The following PTPN21 variants were observed in gnomAD, a reference collection of about 807,000 sequenced individuals.
PTPN21 encodes the protein tyrosine-protein phosphatase non-receptor type 21.
Under a neutral mutation model 131.8 loss-of-function variants are expected in PTPN21, and 77 were observed. The observed-to-expected ratio is 0.58, with a 90% CI of 0.49 to 0.71. The LOEUF (loss-of-function observed/expected upper bound fraction) is 0.71. Among genes scored for constraint, PTPN21 ranks in the 30% least tolerant of loss-of-function variants. The probability of loss-of-function intolerance (pLI) is 0.00; values close to 1 mark genes in which losing one functional copy is unlikely to be tolerated. For missense variants in PTPN21, 1,552 were observed against 1,527.1 expected, an observed-to-expected ratio of 1.02 and a Z score of -0.27; for synonymous variants, 715 against 621.3, an observed-to-expected ratio of 1.15 and a Z score of -2.24.
intron 2 of PTPN21, among the ~76,000 whole-genome samples, chr14:88,532,418 A>G (rs562153544): frequency 6.6e-6 from 1 of 152,312 alleles, no homozygotes; most frequent in African/African-American, 2.4e-5. Context: ...GTTCATTACA[A>G]TTTCTATTTT....
In PTPN21 at chr14:88,469,894, A is replaced by C. The variant is rs748314129; in HGVS notation, c.3000+28T>G. 192 of 1,613,322 alleles carry C rather than the reference A, an allele frequency of 1.2e-4. No homozygotes were observed. The highest frequency in any genetic ancestry group is 1.6e-4 in the Non-Finnish European group (191 of 1,179,586). ...ATTAACTGTTCTTCAGAGGCTGAGA[A>C]AATCACTTAAGAGAAATAAGTACCT... On this transcript the variant is annotated intron_variant, in intron 16 of 18. Coordinates refer to ENST00000556564, the MANE Select transcript of PTPN21 (RefSeq NM_007039.4). This position sits in a 1 kb window ranked among gnomAD's most constrained non-coding sequence, Gnocchi z 4.3.
chr14:88,504,356 A>C (rs2078056792), intron 6 of PTPN21, 69 bp downstream of exon 6: 1 of 1,189,640 alleles, frequency 8.4e-7, no homozygotes. Context: ...TTAAATATTT[A>C]ATTGAATATT....
chr14:88,524,966 G>C (rs2078452815), intron 2 of PTPN21, among the ~76,000 whole-genome samples: 1 of 152,078 alleles, frequency 6.6e-6, no homozygotes, highest in South Asian at 2.1e-4. Context: ...TATCAGGCTA[G>C]GCATGGTCAC....
At position 88,538,572 on chromosome 14, in the gene PTPN21, T is replaced by C. The variant is rs193287100; in HGVS notation, c.180+11666A>G. 1.2e-3 allele frequency among the ~76,000 whole-genome samples: 187 copies of C among 152,324 alleles called. 4 individuals carry two copies. The highest frequency in any genetic ancestry group is 4.3e-3 in the African/African-American group (177 of 41,558). ...CAAAAACCTATCTTAAGCAAGATAA[T>C]TGTAAAAATACAAAAATTAAATGAT... On this transcript the variant is annotated intron_variant, in intron 2 of 18. Transcript: ENST00000556564.
intron 3 of PTPN21, among the ~76,000 whole-genome samples, chr14:88,516,776 T>C (rs1251671396): frequency 6.6e-6 from 1 of 152,208 alleles, no homozygotes; most frequent in Non-Finnish European, 1.5e-5. Context: ...CTTCTCTCCT[T>C]TCCTTGTTAC....
At chr14:88,526,306 T>C (rs1318952291) in intron 2 of PTPN21, among the ~76,000 whole-genome samples, 2 of 152,008 alleles carry the variant, frequency 1.3e-5, no homozygotes, top group African/African-American at 4.8e-5. Context: ...TCCCAGCACT[T>C]TGGGAGGCTG....
In PTPN21 at chr14:88,473,768, A is replaced by G. The variant is rs754451853; in HGVS notation, c.2546T>C (p.Ile849Thr). The change falls in exon 14 of 19, where the codon ATT (isoleucine) becomes ACT (threonine). Residue 849 changes from isoleucine (I) to threonine (T), a missense_variant. This residue lies in a region of PTPN21 where 1,016 missense variants were observed against 883.5 expected (regional missense o/e 1.15). Coordinates refer to ENST00000556564, the MANE Select transcript of PTPN21 (RefSeq NM_007039.4). The part of the protein sequence containing the change: ...MKKTRVDAKK[I>T]GPLKLAALNG... The stretch of plus-strand genomic sequence containing the variant: ...TAGGGCAGCCAGTTTAAGAGGACCA[A>G]TTTTTTTTGCATCTACTCGAGTCTT... 4 of 1,607,164 alleles carry G rather than the reference A, an allele frequency of 2.5e-6. No individual in the cohort carries two copies. Among genetic ancestry groups the G allele is most frequent in the East Asian group, 2.2e-5 (1 of 44,678 alleles).
chr14:88,532,742 G>C (rs2078571946), intron 2 of PTPN21, among the ~76,000 whole-genome samples: 1 of 152,100 alleles, frequency 6.6e-6, no homozygotes, highest in Admixed American at 6.5e-5. Flanking sequence ...GCAGTAGAGG[G>C]AAGTGATGGG....
Position 88,485,762 on chromosome 14 carries a change from A to T in PTPN21, c.993+20T>A. 1 of 1,552,430 alleles carries T rather than the reference A, an allele frequency of 6.4e-7. No homozygotes were observed. The highest frequency in any genetic ancestry group is 8.9e-7 in the Non-Finnish European group (1 of 1,125,738). ...ACATCACTAAAATAAAAAAGCAATC[A>T]TATTTTCCTTGTTTCTTACCAGAGA... On this transcript the variant is annotated intron_variant, in intron 11 of 18. Coordinates refer to ENST00000556564, the MANE Select transcript of PTPN21 (RefSeq NM_007039.4).
intron 3 of PTPN21, among the ~76,000 whole-genome samples, chr14:88,510,194 A>G (rs559681388): frequency 6.6e-6 from 1 of 152,360 alleles, no homozygotes; most frequent in South Asian, 2.1e-4. Context: ...TTATATAAAA[A>G]ATCACACCTC....
chr14:88,508,116 T>C (rs1418154828), intron 3 of PTPN21, 96 bp from the exon 4 acceptor site: 2 of 618,146 alleles, frequency 3.2e-6, no homozygotes, highest in Non-Finnish European at 5.3e-6. Context: ...CATAAACCAG[T>C]GAAATAAAAC....
chr14:88,553,300 T>C (rs1188374364), intron 1 of PTPN21, among the ~76,000 whole-genome samples: 1 of 152,194 alleles, frequency 6.6e-6, no homozygotes, highest in African/African-American at 2.4e-5. Flanking sequence ...TCCATAAGAA[T>C]GGCTTGCTTT....
chr14:88,499,647 A>C (rs1257479052), intron 8 of PTPN21, among the ~76,000 whole-genome samples: 2 of 152,194 alleles, frequency 1.3e-5, no homozygotes, highest in Non-Finnish European at 2.9e-5. Context: ...ATTACACTAA[A>C]AAAAATTCAC....
chr14:88,518,989 A>T (rs112301817), intron 2 of PTPN21, among the ~76,000 whole-genome samples: 1 of 20,526 alleles, frequency 4.9e-5, no homozygotes, highest in Non-Finnish European at 2.3e-4. Context: ...ACACACACAC[A>T]TACACACACA....
chr14:88,492,524 T>G (rs1042151278), intron 10 of PTPN21, among the ~76,000 whole-genome samples: 4 of 152,086 alleles, frequency 2.6e-5, no homozygotes, highest in African/African-American at 9.7e-5. Flanking sequence ...GATGCAAACA[T>G]GGTGCAGGGG....
chr14:88,479,914 G>C lies in PTPN21; in HGVS notation c.1517C>G (p.Ala506Gly), dbSNP rs995854096. 6.2e-7 allele frequency: 1 copy of C among 1,601,004 alleles called. No homozygotes were observed. Among genetic ancestry groups the C allele is most frequent in the African/African-American group, 1.3e-5 (1 of 75,010 alleles). ...CAGGCTGAACGGGCAGTGTGCGGCC[G>C]CTGGCGAGGGGAGCTGTGCGTGCTC... is the stretch of plus-strand genomic sequence containing the variant. ...IREHAQLPSP[A>G]AAHCPFSLSY... The change falls in exon 13 of 19, where the codon GCG becomes GGG. Residue 506 changes from alanine to glycine, a missense_variant. Coordinates refer to ENST00000556564, the MANE Select transcript of PTPN21 (RefSeq NM_007039.4).
intron 13 of PTPN21, among the ~76,000 whole-genome samples, chr14:88,474,154 A>C (rs1026286490): frequency 3.4e-5 from 4 of 116,898 alleles, no homozygotes; most frequent in East Asian, 2.7e-4. Flanking sequence ...AAAAAAAAAA[A>C]ACAAAAGCTT....
At chr14:88,541,599 T>C (rs2078707087) in intron 2 of PTPN21, among the ~76,000 whole-genome samples, 3 of 152,024 alleles carry the variant, frequency 2.0e-5, no homozygotes, top group Non-Finnish European at 2.9e-5. Context: ...AGCAGGACAG[T>C]GGGGGAATTC....
chr14:88,540,254 G>A (rs1033578236), intron 2 of PTPN21, among the ~76,000 whole-genome samples: 1 of 152,190 alleles, frequency 6.6e-6, no homozygotes, highest in Non-Finnish European at 1.5e-5. Context: ...TCCTATGGAT[G>A]CTATTGGTCT....
Sources: allele counts gnomAD v4.1 joint callset (sites outside exome capture counted in the v4.1 genomes callset), GRCh38; gene constraint gnomAD v4.1.1; regional missense constraint gnomAD v4.1.1; non-coding constraint Gnocchi (gnomAD v3.1); transcripts MANE v1.5; gene names NCBI Gene and HGNC (gene_info 2026-07-23, HGNC 2026-07-21).